Variants in RGS6 observed in about 807,000 individuals in gnomAD.
RGS6 encodes the protein regulator of G-protein signaling 6.
A neutral mutation model predicts 78.5 loss-of-function variants in RGS6; 30 were observed. The ratio of observed to expected loss-of-function variants is 0.38; its 90% CI spans 0.29 to 0.52. The LOEUF (loss-of-function observed/expected upper bound fraction) is 0.52. Ranked by LOEUF, RGS6 falls within the 20% of genes least tolerant of loss-of-function variation. The probability of loss-of-function intolerance (pLI) is 0.85; values close to 1 mark genes in which losing one functional copy is unlikely to be tolerated. For synonymous variants in RGS6, 206 were observed against 206.0 expected, an observed-to-expected ratio of 1.00 and a Z score of 0.00; for missense variants, 495 against 609.7, an observed-to-expected ratio of 0.81 and a Z score of 1.98.
At chr14:72,182,678 T>C (rs2097190057) in intron 2 of RGS6, among the ~76,000 whole-genome samples, 1 of 152,182 alleles carries the variant, frequency 6.6e-6, no homozygotes, top group Non-Finnish European at 1.5e-5. Flanking sequence ...AATATGATGT[T>C]TTTAAAGAGG....
chr14:72,113,528 A>C (rs180799301), intron 2 of RGS6, among the ~76,000 whole-genome samples: 5 of 152,210 alleles, frequency 3.3e-5, no homozygotes, highest in Admixed American at 1.3e-4. Context: ...AGGGTTCTGC[A>C]TGTGGTTTTA....
At chr14:72,529,416 C>T (rs917884112) in intron 15 of RGS6, among the ~76,000 whole-genome samples, 7 of 152,248 alleles carry the variant, frequency 4.6e-5, no homozygotes, top group Middle Eastern at 3.4e-3. Context: ...GACTCATGCT[C>T]CAGTAGGTTG....
At chr14:72,181,997 C>T (rs1027812197) in intron 2 of RGS6, among the ~76,000 whole-genome samples, 1 of 152,172 alleles carries the variant, frequency 6.6e-6, no homozygotes, top group Non-Finnish European at 1.5e-5. Flanking sequence ...TGTTGCTGTC[C>T]ACTCCTTGTT....
At chr14:71,969,137 C>T (rs1011601844) in intron 2 of RGS6, among the ~76,000 whole-genome samples, 46 of 152,154 alleles carry the variant, frequency 3.0e-4, no homozygotes, top group Admixed American at 6.5e-4. Flanking sequence ...ATCCATGTCC[C>T]TACAAAGGAC....
the RGS6 span, among the ~76,000 whole-genome samples, chr14:72,606,550 C>G: frequency 6.6e-6 from 1 of 152,210 alleles, no homozygotes; most frequent in Non-Finnish European, 1.5e-5. Flanking sequence ...CGCCACCTCA[C>G]TCCACCACCA....
chr14:72,181,983 G>T (rs1156889034), intron 2 of RGS6, among the ~76,000 whole-genome samples: 3 of 152,220 alleles, frequency 2.0e-5, no homozygotes, highest in Non-Finnish European at 4.4e-5. Context: ...ACATTACTTA[G>T]ATTTGTTGCT....
At chr14:72,231,895 G>T (rs111252321) in intron 2 of RGS6, among the ~76,000 whole-genome samples, 12 of 152,126 alleles carry the variant, frequency 7.9e-5, no homozygotes, top group African/African-American at 2.9e-4. Flanking sequence ...GTTGGGTGTG[G>T]TGGGTCATTA....
At chr14:72,275,774 A>G (rs1465260587) in intron 2 of RGS6, among the ~76,000 whole-genome samples, 1 of 152,206 alleles carries the variant, frequency 6.6e-6, no homozygotes, top group East Asian at 1.9e-4. Context: ...CTTCTAAGTT[A>G]ATTCCTTGCC....
Position 71,964,030 on chromosome 14 carries a change from GT to G in RGS6, c.-20-730del, listed in dbSNP as rs36072896. 1.8e-3 allele frequency among the ~76,000 whole-genome samples: 266 copies of G among 147,490 alleles called. 2 individuals are homozygous for G. The highest frequency in any genetic ancestry group is 5.5e-3 in the African/African-American group (222 of 40,274). On this transcript the variant is annotated intron_variant, in intron 1 of 17. Transcript: ENST00000553525. ...GTATCCTTGCCAAGACTTACTTGAG[GT>G]TTTTTTTTTTTAAATTATAATAATC...
chr14:72,315,184 G>A (rs1363265390), intron 2 of RGS6, among the ~76,000 whole-genome samples: 2 of 152,170 alleles, frequency 1.3e-5, no homozygotes, highest in Non-Finnish European at 2.9e-5. Flanking sequence ...AAGCCAAGAA[G>A]GAATTTCTCC....
intron 2 of RGS6, among the ~76,000 whole-genome samples, chr14:72,125,150 C>G (rs912032344): frequency 7.2e-5 from 11 of 152,124 alleles, no homozygotes; most frequent in African/African-American, 2.7e-4. Context: ...TGTTGGCACC[C>G]CAAGCCTGAG....
intron 2 of RGS6, among the ~76,000 whole-genome samples, chr14:72,202,269 C>T (rs1034456095): frequency 1.3e-5 from 2 of 152,198 alleles, no homozygotes; most frequent in Non-Finnish European, 2.9e-5. Context: ...TGCATCAACC[C>T]TACTGCACAG....
At chr14:71,889,084 C>T in the RGS6 span, among the ~76,000 whole-genome samples, 2 of 152,070 alleles carry the variant, frequency 1.3e-5, no homozygotes, top group Admixed American at 1.3e-4. Flanking sequence ...TGAATAATGA[C>T]ACAGTGTGAG....
rs185118796 is a variant in RGS6 at position 72,280,830 on chromosome 14, T to C, written c.85-71265T>C. ...AAGGTGAGACTGAGTCCAGGTCTTA[T>C]ATGACTCCATATGCCCAGCACTCTT... On this transcript the variant is annotated intron_variant, in intron 2 of 17. Coordinates refer to ENST00000553525, the MANE Select transcript of RGS6 (RefSeq NM_001204424.2). Among the ~76,000 whole-genome samples the C allele has an allele frequency of 5.3e-5, 8 of 152,334 alleles. No homozygotes were observed. The East Asian group carries it at 9.6e-4, about 18-fold the overall frequency.
chr14:72,127,517 C>A (rs916012522), intron 2 of RGS6, among the ~76,000 whole-genome samples: 3 of 151,982 alleles, frequency 2.0e-5, no homozygotes, highest in African/African-American at 7.2e-5. Context: ...TAAGAGAACA[C>A]GTTACTGATT....
intron 2 of RGS6, among the ~76,000 whole-genome samples, chr14:72,178,270 C>T (rs924782051): frequency 6.6e-6 from 1 of 152,254 alleles, no homozygotes; most frequent in African/African-American, 2.4e-5. Flanking sequence ...CACCCAGCCC[C>T]TGCCCTACTG....
intron 2 of RGS6, among the ~76,000 whole-genome samples, chr14:72,155,712 TAAC>T (rs930202550): frequency 1.4e-4 from 22 of 152,380 alleles, no homozygotes; most frequent in African/African-American, 5.3e-4. Context: ...GACCCACTTT[TAAC>T]AACACAGTGG....
At chr14:72,613,051 C>T in the RGS6 span, among the ~76,000 whole-genome samples, 4 of 151,824 alleles carry the variant, frequency 2.6e-5, no homozygotes, top group East Asian at 2.0e-4. Context: ...CGTGCACGCA[C>T]GCGCATGCAC....
intron 2 of RGS6, among the ~76,000 whole-genome samples, chr14:72,332,087 T>C (rs1420531569): frequency 6.6e-6 from 1 of 152,208 alleles, no homozygotes; most frequent in East Asian, 1.9e-4. Context: ...CTAGACACTG[T>C]TGAGCCCAAG....
Sources: allele counts gnomAD v4.1 joint callset (sites outside exome capture counted in the v4.1 genomes callset), GRCh38; gene constraint gnomAD v4.1.1; transcripts MANE v1.5; gene names NCBI Gene and HGNC (gene_info 2026-07-23, HGNC 2026-07-21).